SLC17A1: variants seen among roughly 807,000 people sequenced by gnomAD.
The protein encoded by SLC17A1 is solute carrier family 17 member 1.
A neutral mutation model predicts 53.5 loss-of-function variants in SLC17A1; 51 were observed. The ratio of observed to expected loss-of-function variants is 0.95; its 90% CI spans 0.76 to 1.20. SLC17A1 has a LOEUF of 1.20. Ranked by LOEUF, SLC17A1 falls within the 50% of genes most tolerant of loss-of-function variation. The probability of loss-of-function intolerance (pLI) is 0.00; values close to 1 mark genes in which losing one functional copy is unlikely to be tolerated. For missense variants in SLC17A1, 538 were observed against 568.2 expected (o/e 0.95, Z 0.54); for synonymous variants, 179 against 198.8 (o/e 0.90, Z 0.84).
At chr6:25,762,074 C>A in the SLC17A1 span, 1 of 1,600,436 alleles carries the variant, frequency 6.2e-7, no homozygotes, top group African/African-American at 1.3e-5. Flanking sequence ...GCACAGTAAT[C>A]TGGTAGTAAA....
At chr6:25,775,523 C>G in the SLC17A1 span, among the ~76,000 whole-genome samples, 1 of 152,036 alleles carries the variant, frequency 6.6e-6, no homozygotes, top group Middle Eastern at 3.2e-3. Flanking sequence ...AAAGCTTCGA[C>G]CTCCCAGGCT....
chr6:25,830,428 C>T (rs1296857933), intron 2 of SLC17A1, 96 bp downstream of exon 2: 1 of 943,072 alleles, frequency 1.1e-6, no homozygotes, highest in Non-Finnish European at 1.7e-6. Flanking sequence ...TTTAAGACCC[C>T]ATATGTATAT....
the SLC17A1 span, chr6:25,773,487 G>C: frequency 1.2e-6 from 2 of 1,613,374 alleles, no homozygotes; most frequent in Non-Finnish European, 1.7e-6. Flanking sequence ...CTGACGGAGG[G>C]GACATTGATG....
chr6:25,730,413 C>A, the SLC17A1 span, among the ~76,000 whole-genome samples: 2 of 152,096 alleles, frequency 1.3e-5, no homozygotes, highest in African/African-American at 2.4e-5. Context: ...CACAGAAAGA[C>A]AAATGCTGTA....
Position 25,811,526 on chromosome 6 carries a change from G to C in SLC17A1, c.1050C>G (p.Ile350Met). 6.2e-7 allele frequency: 1 copy of C among 1,613,954 alleles called. No individual in the cohort carries two copies. The highest frequency in any genetic ancestry group is 8.5e-7 in the Non-Finnish European group (1 of 1,179,914). The change falls in exon 10 of 13, where the codon ATC becomes ATG. Residue 350 changes from isoleucine (I) to methionine (M), a missense_variant. Coordinates refer to ENST00000244527, the MANE Select transcript of SLC17A1 (RefSeq NM_005074.5). ...FTAAGFLLPA[I>M]FGVCLPYLSS... is the part of the protein sequence containing the mutation. ...TCAGGTAAGGCAGGCAGACACCAAA[G>C]ATTGCAGGAAGGAGAAATCCTGGGG...
At chr6:25,727,761 T>C in the SLC17A1 span, among the ~76,000 whole-genome samples, 2 of 152,012 alleles carry the variant, frequency 1.3e-5, no homozygotes, top group African/African-American at 2.4e-5. Flanking sequence ...GTGACTCGCC[T>C]GTAATCCCAG....
chr6:25,761,976 C>A, the SLC17A1 span: 1 of 1,613,210 alleles, frequency 6.2e-7, no homozygotes, highest in Non-Finnish European at 8.5e-7. Flanking sequence ...TCTACCGGAC[C>A]AGATGTCAAG....
At chr6:25,824,491 G>T (rs1764671720) in intron 3 of SLC17A1, among the ~76,000 whole-genome samples, 3 of 151,640 alleles carry the variant, frequency 2.0e-5, no homozygotes. Flanking sequence ...TTTGTTGAAG[G>T]AATGTTTTGA....
the SLC17A1 span, among the ~76,000 whole-genome samples, chr6:25,767,502 C>T: frequency 1.3e-5 from 2 of 152,088 alleles, no homozygotes; most frequent in Non-Finnish European, 2.9e-5. Flanking sequence ...CCAGAATACA[C>T]AGCTATAAGT....
At chr6:25,727,315 C>T in the SLC17A1 span, 8 of 1,557,542 alleles carry the variant, frequency 5.1e-6, no homozygotes, top group Non-Finnish European at 6.9e-6. Context: ...AACGTCATTT[C>T]TAACCCAAAG....
the SLC17A1 span, among the ~76,000 whole-genome samples, chr6:25,748,603 C>T: frequency 4.6e-5 from 7 of 152,210 alleles, no homozygotes; most frequent in East Asian, 1.9e-4. Flanking sequence ...CTCAGGAGAC[C>T]GGCGCTCAGC....
chr6:25,726,600 C>T, the SLC17A1 span: 1 of 1,515,652 alleles, frequency 6.6e-7, no homozygotes, highest in East Asian at 2.3e-5. Flanking sequence ...TATAGTCTGA[C>T]TGAGGTTGGC....
chr6:25,746,775 T>G, the SLC17A1 span, among the ~76,000 whole-genome samples: 1 of 152,198 alleles, frequency 6.6e-6, no homozygotes, highest in Non-Finnish European at 1.5e-5. Context: ...CTCCTGCTAT[T>G]CCAACCTTGC....
At chr6:25,754,394 T>C in the SLC17A1 span, among the ~76,000 whole-genome samples, 11 of 152,086 alleles carry the variant, frequency 7.2e-5, no homozygotes, top group African/African-American at 2.4e-4. Context: ...GAAAAGGGAC[T>C]CAAAAGGGGC....
the SLC17A1 span, chr6:25,773,398 A>G: frequency 1.9e-6 from 3 of 1,613,484 alleles, no homozygotes; most frequent in East Asian, 2.2e-5. Flanking sequence ...CAGCAGGTAC[A>G]TTGAGGAACT....
chr6:25,771,797 G>C, the SLC17A1 span, among the ~76,000 whole-genome samples: 187 of 152,220 alleles, frequency 1.2e-3, 2 homozygotes, highest in Non-Finnish European at 2.1e-3. Context: ...CTGCAGGACA[G>C]GGCAGATTAT....
the SLC17A1 span, among the ~76,000 whole-genome samples, chr6:25,733,806 A>G: frequency 0.044 from 5,839 of 133,716 alleles, 251 homozygotes; most frequent in African/African-American, 0.11. Context: ...GTGTGTGTGT[A>G]TGTGTGTGTG....
Position 25,811,764 on chromosome 6 carries a change from A to C in SLC17A1, c.904T>G (p.Phe302Val). 1 of 1,613,662 alleles carries C rather than the reference A, an allele frequency of 6.2e-7. No homozygotes were observed. The highest frequency in any genetic ancestry group is 8.5e-7 in the Non-Finnish European group (1 of 1,179,682). Residue 302 changes from phenylalanine to valine, a missense_variant, in exon 9 of 13, where the codon TTC (phenylalanine) becomes GTC (valine). Physicochemically the swap from Phe to Val is conservative, Grantham distance 50. Transcript: ENST00000244527. Reference protein sequence around the residue: ...MLHVNIKENGFLSSLPYLFAW... With the variant: ...MLHVNIKENGVLSSLPYLFAW... Reference sequence around the variant, plus strand: ...AACAAATAGGGAAGGGAAGACAAGAACCCATTCTGAAGAGGAAACATTATT... The same window carrying C: ...AACAAATAGGGAAGGGAAGACAAGACCCCATTCTGAAGAGGAAACATTATT...
intron 6 of SLC17A1, among the ~76,000 whole-genome samples, chr6:25,813,479 C>T (rs1764233167): frequency 6.6e-6 from 1 of 152,178 alleles, no homozygotes; most frequent in Non-Finnish European, 1.5e-5. Context: ...GCCCTCAGGC[C>T]CTCATCTTTT....
Sources: gnomAD v4.1 joint callset for allele counts (sites outside exome capture counted in the v4.1 genomes callset) on GRCh38, gnomAD v4.1.1 for gene constraint, MANE v1.5 for transcripts, NCBI Gene and HGNC (gene_info 2026-07-23, HGNC 2026-07-21) for gene names.